NREP: variants seen among roughly 807,000 people sequenced by gnomAD.
The protein encoded by NREP is neuronal regeneration related protein.
In NREP, 5 loss-of-function variants were observed where a neutral mutation model predicts 8.6. That is an observed-to-expected ratio of 0.58 (90% CI 0.30 to 1.22). The LOEUF (loss-of-function observed/expected upper bound fraction) is 1.22, where lower values mean the gene tolerates loss of function less well. Ranked by LOEUF, NREP falls within the 50% of genes most tolerant of loss-of-function variation. NREP has a pLI of 0.07. For synonymous variants in NREP, 27 were observed against 28.0 expected, an observed-to-expected ratio of 0.96 and a Z score of 0.11; for missense variants, 86 against 82.5, an observed-to-expected ratio of 1.04 and a Z score of -0.17.
At chr5:111,914,957 C>G (rs535775598) in intron 2 of NREP, among the ~76,000 whole-genome samples, 2 of 152,212 alleles carry the variant, frequency 1.3e-5, no homozygotes, top group African/African-American at 4.8e-5. Context: ...GTCTCTTGAA[C>G]TATGTCTATG....
intron 2 of NREP, among the ~76,000 whole-genome samples, chr5:111,755,033 T>C (rs1399720770): frequency 6.6e-6 from 1 of 152,204 alleles, no homozygotes. Context: ...TTTTTTTAGT[T>C]CATCTTATTT....
At chr5:111,818,591 T>C (rs921287609) in intron 2 of NREP, among the ~76,000 whole-genome samples, 7 of 152,218 alleles carry the variant, frequency 4.6e-5, no homozygotes, top group African/African-American at 9.6e-5. Flanking sequence ...TTAGGATATA[T>C]TGCATGACTC....
intron 2 of NREP, among the ~76,000 whole-genome samples, chr5:111,741,432 C>G (rs1361251508): frequency 1.3e-5 from 2 of 149,336 alleles, no homozygotes; most frequent in African/African-American, 2.4e-5. Flanking sequence ...CCCTCAAAAG[C>G]CACTCTGTTC....
At chr5:111,746,789 G>A (rs1221372112) in intron 2 of NREP, among the ~76,000 whole-genome samples, 4 of 152,090 alleles carry the variant, frequency 2.6e-5, no homozygotes, top group African/African-American at 9.7e-5. Flanking sequence ...CTCAGGAAAG[G>A]GGTGGGCTAG....
At chr5:111,862,286 G>A (rs180772501) in intron 2 of NREP, among the ~76,000 whole-genome samples, 4 of 152,304 alleles carry the variant, frequency 2.6e-5, no homozygotes, top group Admixed American at 2.6e-4. Context: ...TAAGGTGCAT[G>A]CTGGTGCAGA....
chr5:111,951,244 A>G (rs771112086), intron 2 of NREP, among the ~76,000 whole-genome samples: 7 of 152,094 alleles, frequency 4.6e-5, no homozygotes, highest in Non-Finnish European at 8.8e-5. Context: ...CACTGCACAT[A>G]TACATAACAT....
chr5:111,801,223 A>G (rs1751997978), intron 2 of NREP, among the ~76,000 whole-genome samples: 7 of 152,244 alleles, frequency 4.6e-5, no homozygotes, highest in Admixed American at 4.6e-4. Flanking sequence ...GCTAGTAGAA[A>G]AGGGAAGGAT....
intron 2 of NREP, among the ~76,000 whole-genome samples, chr5:111,881,582 A>C (rs932488922): frequency 6.6e-6 from 1 of 152,132 alleles, no homozygotes; most frequent in African/African-American, 2.4e-5. Context: ...GGCACCCCCC[A>C]GTAGGGGCAG....
At chr5:111,847,234 G>A (rs927619519) in intron 2 of NREP, among the ~76,000 whole-genome samples, 1 of 152,014 alleles carries the variant, frequency 6.6e-6, no homozygotes, top group Admixed American at 6.6e-5. Flanking sequence ...ACAAGATCAA[G>A]CTGCCGAACG....
intron 2 of NREP, among the ~76,000 whole-genome samples, chr5:111,867,444 A>G (rs1213049605): frequency 6.6e-6 from 1 of 151,970 alleles, no homozygotes; most frequent in Admixed American, 6.6e-5. Context: ...CTCCCTCCCT[A>G]TAAGGCCACC....
intron 2 of NREP, among the ~76,000 whole-genome samples, chr5:111,947,061 C>T (rs1046830367): frequency 7.2e-5 from 11 of 152,054 alleles, no homozygotes; most frequent in Admixed American, 7.2e-4. Context: ...TTCCAAATCA[C>T]AGTTTATACT....
At chr5:111,739,904 G>C (rs1749498946) in intron 2 of NREP, among the ~76,000 whole-genome samples, 1 of 151,548 alleles carries the variant, frequency 6.6e-6, no homozygotes, top group African/African-American at 2.4e-5. Context: ...AATTGTTTTT[G>C]CCCAAATAAA....
chr5:111,976,855 A>G, exon 1 of NREP: 1 of 749,884 alleles, frequency 1.3e-6, no homozygotes, highest in Non-Finnish European at 2.2e-6. Flanking sequence ...CTGATTGTCC[A>G]ATGTTTCTTT....
chr5:111,808,909 T>A lies in NREP; in HGVS notation c.136-73402A>T, dbSNP rs1752205688. 3.9e-5 allele frequency among the ~76,000 whole-genome samples: 6 copies of A among 152,354 alleles called. No homozygotes were observed. In the South Asian group the frequency reaches 1.2e-3, roughly 32 times the overall value. ...TACATGCTGGTATGTAGTATGTACT[T>A]AAGAAATATTTGTTGAGTGACTAGC... On this transcript the variant is annotated intron_variant, in intron 2 of 3. Coordinates refer to the NREP transcript ENST00000395634.
chr5:111,964,868 A>T (rs866528559), intron 2 of NREP, among the ~76,000 whole-genome samples: 3,268 of 109,274 alleles, frequency 0.03, 117 homozygotes, highest in Middle Eastern at 0.037. Flanking sequence ...AAAAAAAAAA[A>T]AAAAAAAAAA....
intron 2 of NREP, among the ~76,000 whole-genome samples, chr5:111,872,288 T>C (rs538280516): frequency 2.6e-5 from 4 of 152,238 alleles, no homozygotes; most frequent in Admixed American, 1.3e-4. Context: ...AATTCTCTCT[T>C]ACTTGAGGGA....
chr5:111,765,164 C>T (rs1018316167), intron 2 of NREP, among the ~76,000 whole-genome samples: 14 of 152,088 alleles, frequency 9.2e-5, no homozygotes, highest in Non-Finnish European at 1.6e-4. Context: ...CTCAGATCAT[C>T]GGGCATTTGG....
intron 2 of NREP, among the ~76,000 whole-genome samples, chr5:111,825,368 G>A (rs921383311): frequency 3.3e-5 from 5 of 152,152 alleles, no homozygotes; most frequent in Non-Finnish European, 5.9e-5. Flanking sequence ...CAGGTCCACA[G>A]CTGCAAACTT....
intron 2 of NREP, among the ~76,000 whole-genome samples, chr5:111,899,141 C>T (rs1307523939): frequency 2.6e-5 from 4 of 151,986 alleles, no homozygotes; most frequent in Non-Finnish European, 5.9e-5. Flanking sequence ...TAAAAACACA[C>T]AAAAGTATAA....
Sources: allele counts gnomAD v4.1 joint callset (sites outside exome capture counted in the v4.1 genomes callset), GRCh38; gene constraint gnomAD v4.1.1; transcripts MANE v1.5; gene names NCBI Gene and HGNC (gene_info 2026-07-23, HGNC 2026-07-21).